SAMD13: variants seen among roughly 807,000 people sequenced by gnomAD.
SAMD13 encodes the protein sterile alpha motif domain-containing protein 13.
SAMD13 carries 9 observed loss-of-function variants against 12.4 expected under a neutral mutation model. That is an observed-to-expected ratio of 0.72 (90% CI 0.44 to 1.26). SAMD13 has a LOEUF of 1.26. Ranked by LOEUF, SAMD13 falls within the 50% of genes most tolerant of loss-of-function variation. SAMD13 has a pLI of 0.00. For missense variants in SAMD13, 84 were observed against 119.6 expected (o/e 0.70, Z 1.39); for synonymous variants, 46 against 45.4 (o/e 1.01, Z -0.05).
At chr1:84,328,632 T>C (rs974683393) in intron 3 of SAMD13, among the ~76,000 whole-genome samples, 1 of 152,186 alleles carries the variant, frequency 6.6e-6, no homozygotes, top group South Asian at 2.1e-4. Context: ...TCCTCTACCA[T>C]GTTAACCTGC....
chr1:84,307,549 T>C (rs1678606690), intron 2 of SAMD13, among the ~76,000 whole-genome samples: 1 of 152,234 alleles, frequency 6.6e-6, no homozygotes, highest in Non-Finnish European at 1.5e-5. Context: ...TCTTGCGTGG[T>C]CATATTTTTC....
intron 3 of SAMD13, among the ~76,000 whole-genome samples, chr1:84,345,787 G>C (rs961839638): frequency 6.6e-6 from 1 of 152,160 alleles, no homozygotes; most frequent in Non-Finnish European, 1.5e-5. Context: ...GAGTTACCTA[G>C]TATAGATTAA....
chr1:84,316,844 A>G (rs1474974953), intron 2 of SAMD13, among the ~76,000 whole-genome samples: 4 of 152,122 alleles, frequency 2.6e-5, no homozygotes, highest in Non-Finnish European at 5.9e-5. Flanking sequence ...CCATCCATGA[A>G]CTTGAGATGT....
At chr1:84,339,554 C>T (rs1469018606) in intron 3 of SAMD13, among the ~76,000 whole-genome samples, 1 of 152,162 alleles carries the variant, frequency 6.6e-6, no homozygotes, top group African/African-American at 2.4e-5. Context: ...ACCTGCTTTA[C>T]TGGAGGGGTC....
chr1:84,298,544 C>T, upstream of SAMD13: 2 of 1,266,020 alleles, frequency 1.6e-6, no homozygotes, highest in African/African-American at 1.5e-5. Context: ...CGGGGCAAAC[C>T]TCCCGGCGCG....
intron 2 of SAMD13, among the ~76,000 whole-genome samples, chr1:84,324,448 C>G (rs577753250): frequency 6.6e-6 from 1 of 152,326 alleles, no homozygotes; most frequent in East Asian, 1.9e-4. Flanking sequence ...GAAAGCTTCC[C>G]CTATCCCTTT....
chr1:84,321,011 T>TGG (rs1678931748), intron 2 of SAMD13, among the ~76,000 whole-genome samples: 1 of 152,176 alleles, frequency 6.6e-6, no homozygotes. Flanking sequence ...CCTGCCTTCT[T>TGG]ACAAAGGGAA....
chr1:84,341,231 C>T (rs1219337133), intron 3 of SAMD13, among the ~76,000 whole-genome samples: 9 of 152,160 alleles, frequency 5.9e-5, no homozygotes, highest in African/African-American at 2.2e-4. Context: ...ACTTTGTCTT[C>T]ATGGACATTA....
At chr1:84,326,102 C>T (rs1436164560) in intron 3 of SAMD13, among the ~76,000 whole-genome samples, 3 of 152,158 alleles carry the variant, frequency 2.0e-5, no homozygotes, top group African/African-American at 7.2e-5. Flanking sequence ...AAAGCAGGGA[C>T]AAACCTGACT....
At chr1:84,303,319 T>G in intron 2 of SAMD13, 32 bp downstream of exon 2, 2 of 1,535,762 alleles carry the variant, frequency 1.3e-6, no homozygotes, top group Non-Finnish European at 1.8e-6. Context: ...GTTCTGCTTC[T>G]GCAAACAACA....
chr1:84,331,274 A>T (rs2101809577), intron 3 of SAMD13, among the ~76,000 whole-genome samples: 1 of 146,888 alleles, frequency 6.8e-6, no homozygotes, highest in Non-Finnish European at 1.5e-5. Context: ...GAACAGGGAC[A>T]AATCCAGGTT....
chr1:84,350,779 T>C lies in SAMD13; in HGVS notation c.*1005T>C, dbSNP rs1454755541. ...TTGAATTGGTGCTTTGTGGTTGCAA[T>C]AAAGCATTGCTTCAGTTTATTGCCA... On this transcript the variant is annotated 3_prime_UTR_variant, in exon 4 of 4. Coordinates refer to ENST00000394834, the MANE Select transcript of SAMD13 (RefSeq NM_001134663.2). The C allele has an allele frequency of 2.6e-5, 4 of 152,634 alleles. No individual in the cohort carries two copies. Among genetic ancestry groups the C allele is most frequent in the Non-Finnish European group, 1.5e-5 (1 of 68,032 alleles). 9.5% of individuals were successfully genotyped at this position (152,634 alleles called of 1,614,324 possible).
chr1:84,299,509 C>CA, upstream of SAMD13: 1 of 949,904 alleles, frequency 1.1e-6, no homozygotes, highest in South Asian at 3.2e-5. Context: ...CACACACCCC[C>CA]ACATACGTAC....
At chr1:84,342,117 A>G (rs1041184269) in intron 3 of SAMD13, among the ~76,000 whole-genome samples, 2 of 152,178 alleles carry the variant, frequency 1.3e-5, no homozygotes, top group African/African-American at 4.8e-5. Context: ...TGAGAGACGC[A>G]TGCATCATCC....
At chr1:84,332,159 T>C (rs1312850980) in intron 3 of SAMD13, among the ~76,000 whole-genome samples, 3 of 152,220 alleles carry the variant, frequency 2.0e-5, no homozygotes, top group Non-Finnish European at 4.4e-5. Flanking sequence ...GTTGATTTCA[T>C]ATCTTTCCTA....
At chr1:84,345,775 CAG>C (rs1326786837) in intron 3 of SAMD13, among the ~76,000 whole-genome samples, 14 of 152,278 alleles carry the variant, frequency 9.2e-5, no homozygotes, top group East Asian at 1.9e-4. Flanking sequence ...AGCTTCAATT[CAG>C]AGTTACCTAG....
intron 3 of SAMD13, among the ~76,000 whole-genome samples, chr1:84,333,303 A>G (rs748456247): frequency 1.3e-5 from 2 of 152,098 alleles, no homozygotes; most frequent in Non-Finnish European, 2.9e-5. Flanking sequence ...TTTGGGCAGT[A>G]TGGCCATTTT....
upstream of SAMD13, chr1:84,299,655 G>GTTTA: frequency 2.2e-6 from 2 of 891,362 alleles, no homozygotes; most frequent in Non-Finnish European, 3.1e-6. Flanking sequence ...GTGAGTACTA[G>GTTTA]TGTATATATA....
At chr1:84,324,314 C>G (rs1679011679) in intron 2 of SAMD13, among the ~76,000 whole-genome samples, 1 of 152,164 alleles carries the variant, frequency 6.6e-6, no homozygotes, top group Non-Finnish European at 1.5e-5. Flanking sequence ...GCCTCCAAGA[C>G]CTGCATGGCT....
Sources: allele counts gnomAD v4.1 joint callset (sites outside exome capture counted in the v4.1 genomes callset), GRCh38; gene constraint gnomAD v4.1.1; transcripts MANE v1.5; gene names NCBI Gene and HGNC (gene_info 2026-07-23, HGNC 2026-07-21).